Variants in LRRC4C observed in about 807,000 individuals in gnomAD.
LRRC4C encodes leucine rich repeat containing 4C, also known as leucine-rich repeat-containing protein 4C.
A neutral mutation model predicts 33.6 loss-of-function variants in LRRC4C; 5 were observed. The observed-to-expected ratio is 0.15, with a 90% confidence interval of 0.08 to 0.31. The LOEUF is 0.31. LRRC4C is among the 10% of genes least tolerant of loss of function. The pLI, the probability that LRRC4C is intolerant of heterozygous loss-of-function variation, is 1.00. For missense variants in LRRC4C, 560 were observed against 796.7 expected (o/e 0.70, Z 3.58); for synonymous variants, 329 against 302.0 (o/e 1.09, Z -0.93).
chr11:41,280,963 G>A (rs796378530), intron 1 of LRRC4C, among the ~76,000 whole-genome samples: 16 of 151,298 alleles, frequency 1.1e-4, no homozygotes, highest in African/African-American at 3.9e-4. Flanking sequence ...CAGAAAACAA[G>A]GCATGCAGAA....
chr11:40,212,384 A>T (rs1394035187), intron 5 of LRRC4C, among the ~76,000 whole-genome samples: 1 of 152,094 alleles, frequency 6.6e-6, no homozygotes, highest in Non-Finnish European at 1.5e-5. Context: ...CAGGGTAATT[A>T]CATGCTCAGA....
intron 3 of LRRC4C, among the ~76,000 whole-genome samples, chr11:40,465,850 T>G (rs112270970): frequency 1.2e-4 from 18 of 152,162 alleles, no homozygotes; most frequent in African/African-American, 4.3e-4. Context: ...ACAACCTCTA[T>G]GGACAACAGT....
intron 2 of LRRC4C, among the ~76,000 whole-genome samples, chr11:40,807,540 C>G (rs973666782): frequency 6.6e-6 from 1 of 152,186 alleles, no homozygotes; most frequent in African/African-American, 2.4e-5. Flanking sequence ...CTCTTTCTGA[C>G]AGAACAGAAG....
intron 2 of LRRC4C, among the ~76,000 whole-genome samples, chr11:40,812,002 C>T (rs1305501139): frequency 2.0e-5 from 3 of 152,142 alleles, no homozygotes; most frequent in Non-Finnish European, 4.4e-5. Flanking sequence ...AGTTTAATTC[C>T]AACCTTCATG....
chr11:40,725,372 G>T (rs1465796235), intron 2 of LRRC4C, among the ~76,000 whole-genome samples: 1 of 152,094 alleles, frequency 6.6e-6, no homozygotes, highest in African/African-American at 2.4e-5. Flanking sequence ...GCAGGGCATG[G>T]TGGCAGGTGC....
chr11:40,651,105 A>C (rs912753605), intron 2 of LRRC4C, among the ~76,000 whole-genome samples: 8 of 152,184 alleles, frequency 5.3e-5, no homozygotes, highest in African/African-American at 1.9e-4. Context: ...TCCTCTTCCT[A>C]ACACTTTGGA....
Position 41,264,422 on chromosome 11 carries a change from C to T in LRRC4C, c.-496+195009G>A, listed in dbSNP as rs563880967. 2.1e-3 allele frequency among the ~76,000 whole-genome samples: 317 copies of T among 152,184 alleles called. 1 individual carries two copies. The highest frequency in any genetic ancestry group is 7.5e-3 in the African/African-American group (311 of 41,542). Reference sequence around the variant, plus strand: ...TCCTTTTAAAGACAATTTGCAATTTCATAAGTAGGAACTCAGGATGGTGTC... The same window carrying T: ...TCCTTTTAAAGACAATTTGCAATTTTATAAGTAGGAACTCAGGATGGTGTC... On this transcript the variant is annotated intron_variant, in intron 1 of 6. Transcript: ENST00000528697.
At chr11:41,372,332 TTA>T (rs1454075862) in intron 1 of LRRC4C, among the ~76,000 whole-genome samples, 1 of 152,210 alleles carries the variant, frequency 6.6e-6, no homozygotes, top group Non-Finnish European at 1.5e-5. Flanking sequence ...ACAACATTAT[TTA>T]TTCCTCAATA....
intron 2 of LRRC4C, among the ~76,000 whole-genome samples, chr11:40,776,364 G>A (rs1235917130): frequency 6.6e-6 from 1 of 151,820 alleles, no homozygotes; most frequent in African/African-American, 2.4e-5. Flanking sequence ...CTGGTCTAGG[G>A]ATTTTTTTAA....
At chr11:40,192,732 C>A (rs1419559664) in intron 5 of LRRC4C, among the ~76,000 whole-genome samples, 1 of 152,166 alleles carries the variant, frequency 6.6e-6, no homozygotes, top group African/African-American at 2.4e-5. Context: ...GCACAGCAGT[C>A]TGAAGTTGAC....
chr11:40,227,068 A>G lies in LRRC4C; in HGVS notation c.-96+14451T>C, dbSNP rs554209477. ...TGCCAGAATATGATATTAACTTTGA[A>G]ACACAGCACACTGAGAATCTAGCCA... On this transcript the variant is annotated intron_variant, in intron 5 of 6. Transcript: ENST00000528697. Among the ~76,000 whole-genome samples the G allele has an allele frequency of 3.3e-4, 51 of 152,282 alleles. 1 individual carries two copies. In the South Asian group the frequency reaches 0.011, roughly 32 times the overall value.
intron 6 of LRRC4C, among the ~76,000 whole-genome samples, chr11:40,139,615 C>A (rs769019970): frequency 2.6e-5 from 4 of 152,086 alleles, no homozygotes; most frequent in Non-Finnish European, 4.4e-5. Context: ...GCCAATTATA[C>A]CCCCACATGC....
intron 2 of LRRC4C, among the ~76,000 whole-genome samples, chr11:40,897,656 A>C (rs1956005602): frequency 6.6e-6 from 1 of 152,264 alleles, no homozygotes. Context: ...ATGGGATGAC[A>C]GAAGAAGGAA....
chr11:41,355,230 C>T (rs1382073334), intron 1 of LRRC4C, among the ~76,000 whole-genome samples: 1 of 151,820 alleles, frequency 6.6e-6, no homozygotes, highest in Admixed American at 6.6e-5. Flanking sequence ...GCTCAGCATC[C>T]CTAATCATGA....
intron 2 of LRRC4C, among the ~76,000 whole-genome samples, chr11:40,712,026 A>G (rs1384485413): frequency 6.6e-6 from 1 of 152,154 alleles, no homozygotes; most frequent in Non-Finnish European, 1.5e-5. Context: ...TGGTAATTGT[A>G]CAAAATAACC....
intron 3 of LRRC4C, among the ~76,000 whole-genome samples, chr11:40,434,996 C>T (rs1698922113): frequency 6.6e-6 from 1 of 152,064 alleles, no homozygotes; most frequent in African/African-American, 2.4e-5. Flanking sequence ...GAAAAAAAAT[C>T]AACATACTTT....
chr11:40,309,232 C>T (rs1036433672), intron 4 of LRRC4C, among the ~76,000 whole-genome samples: 1 of 152,144 alleles, frequency 6.6e-6, no homozygotes, highest in Non-Finnish European at 1.5e-5. Context: ...TATAGATTTG[C>T]TTATTGTATA....
At position 41,136,628 on chromosome 11, in the gene LRRC4C, T is replaced by G. The variant is rs569489208; in HGVS notation, c.-495-202905A>C. ...GAAAAGATAACTAATTTGAGGATCT[T>G]GGCCTAGAGTCCTTTCCCACCCTGG... On this transcript the variant is annotated intron_variant, in intron 1 of 6. Coordinates refer to ENST00000528697, the MANE Select transcript of LRRC4C (RefSeq NM_001258419.2). 2.6e-5 allele frequency among the ~76,000 whole-genome samples: 4 copies of G among 152,328 alleles called. No individual in the cohort carries two copies. The South Asian group carries it at 8.3e-4, about 32-fold the overall frequency.
intron 1 of LRRC4C, among the ~76,000 whole-genome samples, chr11:41,285,976 C>T (rs545848324): frequency 3.9e-5 from 6 of 151,942 alleles, no homozygotes; most frequent in East Asian, 3.9e-4. Flanking sequence ...ACTACAGGCA[C>T]GTGCCACCAC....
Sources: allele counts gnomAD v4.1 joint callset (sites outside exome capture counted in the v4.1 genomes callset), GRCh38; gene constraint gnomAD v4.1.1; transcripts MANE v1.5; gene names NCBI Gene and HGNC (gene_info 2026-07-23, HGNC 2026-07-21).